Variants in ZHX2 observed in about 807,000 individuals in gnomAD.
ZHX2 encodes zinc fingers and homeoboxes 2.
A neutral mutation model predicts 21.9 loss-of-function variants in ZHX2; 6 were observed. The observed-to-expected ratio is 0.27, with a 90% CI of 0.15 to 0.54. ZHX2 has a LOEUF of 0.54. Among genes scored for constraint, ZHX2 ranks in the 20% least tolerant of loss-of-function variants. The probability of loss-of-function intolerance (pLI) is 0.95; values close to 1 mark genes in which losing one functional copy is unlikely to be tolerated. For synonymous variants in ZHX2, 434 were observed against 437.1 expected, an observed-to-expected ratio of 0.99 and a Z score of 0.09; for missense variants, 908 against 1,090.7, an observed-to-expected ratio of 0.83 and a Z score of 2.36.
Position 122,953,579 on chromosome 8 carries a change from G to A in ZHX2, c.2069G>A (p.Trp690Ter), listed in dbSNP as rs1219341645. 6.2e-7 allele frequency: 1 copy of A among 1,614,210 alleles called. No individual in the cohort carries two copies. The highest frequency in any genetic ancestry group is 1.7e-5 in the Admixed American group (1 of 60,018). The change falls in exon 3 of 4, where the codon TGG (tryptophan) becomes TAG (stop). Residue 690 changes from tryptophan to a stop codon, truncating the protein, a stop_gained. Transcript: ENST00000314393. LOFTEE classifies it low-confidence loss of function (END_TRUNC). This position sits in a 1 kb window ranked among gnomAD's most constrained non-coding sequence, Gnocchi z 4.6. ...RCLLKTGTVKWMEQYQHQPMA... is the reference protein window; with the variant it reads ...RCLLKTGTVK ...TTGCTGAAAACGGGAACCGTGAAGT[G>A]GATGGAGCAGTACCAGCACCAGCCC... is the stretch of plus-strand genomic sequence containing the variant.
intron 1 of ZHX2, among the ~76,000 whole-genome samples, chr8:122,820,614 G>A (rs1284016535): frequency 1.3e-5 from 2 of 152,174 alleles, no homozygotes; most frequent in Non-Finnish European, 2.9e-5. Flanking sequence ...GATTGATACG[G>A]AGAATAGTCA....
At chr8:122,901,461 T>A (rs1820228306) in intron 2 of ZHX2, among the ~76,000 whole-genome samples, 1 of 152,200 alleles carries the variant, frequency 6.6e-6, no homozygotes, top group Admixed American at 6.5e-5. Flanking sequence ...TCTAAGACCT[T>A]ACTTCTCAAA....
chr8:122,956,308 T>C (rs1188231079), intron 3 of ZHX2, among the ~76,000 whole-genome samples: 1 of 152,162 alleles, frequency 6.6e-6, no homozygotes, highest in African/African-American at 2.4e-5. Flanking sequence ...AACAGTGCCA[T>C]GAGAGAGACA....
At chr8:122,888,852 A>G (rs1049875540) in intron 2 of ZHX2, among the ~76,000 whole-genome samples, 5 of 152,166 alleles carry the variant, frequency 3.3e-5, no homozygotes, top group South Asian at 2.1e-4. Flanking sequence ...CCTCCTATCT[A>G]GCTATGATTT....
intron 2 of ZHX2, among the ~76,000 whole-genome samples, chr8:122,938,211 G>T (rs1026059471): frequency 4.6e-5 from 7 of 151,854 alleles, no homozygotes; most frequent in African/African-American, 1.5e-4. Flanking sequence ...GGGATTACAG[G>T]CATGAGCCAC....
chr8:122,805,582 A>G (rs541638074), intron 1 of ZHX2, among the ~76,000 whole-genome samples: 24 of 152,314 alleles, frequency 1.6e-4, no homozygotes, highest in African/African-American at 5.1e-4. Context: ...CGTCAGTCCC[A>G]CTTATGGAGC....
chr8:122,782,752 CG>C lies in ZHX2; in HGVS notation c.-283+809del, dbSNP rs1436560116. Among the ~76,000 whole-genome samples, 4 of 152,070 alleles carry C rather than the reference CG, an allele frequency of 2.6e-5. No individual in the cohort carries two copies. Among genetic ancestry groups the C allele is most frequent in the Non-Finnish European group, 5.9e-5 (4 of 67,988 alleles). On this transcript the variant is annotated intron_variant, in intron 1 of 3. Transcript: ENST00000314393. The surrounding 1 kb of genome is among the most constrained non-coding windows in gnomAD (Gnocchi z 5.3). ...CGGGGCGGGGGGCCGAGGGCGGCCG[CG>C]GGACCCCCGGCCCTGCTGTCCGCTG... is the stretch of plus-strand genomic sequence containing the variant.
Position 122,953,400 on chromosome 8 carries a change from G to A in ZHX2, c.1890G>A (p.Ser630=), listed in dbSNP as rs202138105. 1.8e-4 allele frequency: 283 copies of A among 1,614,126 alleles called. No individual in the cohort carries two copies. In the East Asian group the frequency reaches 3.7e-3, roughly 21 times the overall value. ...TAACAAGTTCTCTGCCCAGCCCTTC[G>A]CCAGCAATTGCAAAAAGTCAAGAAC... ...AQLTSSLPSP[S]PAIAKSQEQV... Residue 630 remains serine, a synonymous_variant, in exon 3 of 4, where the codon TCG becomes TCA. Coordinates refer to ENST00000314393, the MANE Select transcript of ZHX2 (RefSeq NM_014943.5). This position sits in a 1 kb window ranked among gnomAD's most constrained non-coding sequence, Gnocchi z 4.6.
At chr8:122,971,670 A>G (rs1218635644) in intron 3 of ZHX2, among the ~76,000 whole-genome samples, 1 of 150,532 alleles carries the variant, frequency 6.6e-6, no homozygotes, top group Non-Finnish European at 1.5e-5. Flanking sequence ...CAGCCTTACC[A>G]GGAGGGAGGC....
chr8:122,890,795 A>G (rs1281321023), intron 2 of ZHX2, among the ~76,000 whole-genome samples: 1 of 152,016 alleles, frequency 6.6e-6, no homozygotes, highest in Non-Finnish European at 1.5e-5. Flanking sequence ...TTTTTATTTT[A>G]TATGTTGATT....
At chr8:122,809,033 T>G (rs1817876296) in intron 1 of ZHX2, 1 of 152,212 alleles carries the variant, frequency 6.6e-6, no homozygotes, top group Non-Finnish European at 1.5e-5. Context: ...TGGTGATAAA[T>G]GCCATCAGTT....
At chr8:122,839,775 T>C (rs1280898295) in intron 1 of ZHX2, among the ~76,000 whole-genome samples, 3 of 152,222 alleles carry the variant, frequency 2.0e-5, no homozygotes, top group Non-Finnish European at 4.4e-5. Context: ...AATGGTTACC[T>C]CGTTTTGTTC....
At chr8:122,795,867 G>A (rs1327905293) in intron 1 of ZHX2, among the ~76,000 whole-genome samples, 4 of 152,126 alleles carry the variant, frequency 2.6e-5, no homozygotes, top group Non-Finnish European at 1.5e-5. Flanking sequence ...GTTATGTAAA[G>A]GACATAAAGA....
intron 2 of ZHX2, among the ~76,000 whole-genome samples, chr8:122,873,716 C>T (rs545541988): frequency 2.6e-5 from 4 of 152,226 alleles, no homozygotes; most frequent in Admixed American, 2.6e-4. Flanking sequence ...GGTCATAGTC[C>T]GAAATGGGTC....
chr8:122,940,861 C>A (rs757683009), intron 2 of ZHX2, among the ~76,000 whole-genome samples: 1 of 152,272 alleles, frequency 6.6e-6, no homozygotes, highest in Non-Finnish European at 1.5e-5. Flanking sequence ...AGCCATCGAA[C>A]CTCTCTGAGC....
At chr8:122,877,671 C>A (rs1819602597) in intron 2 of ZHX2, among the ~76,000 whole-genome samples, 1 of 152,154 alleles carries the variant, frequency 6.6e-6, no homozygotes, top group South Asian at 2.1e-4. Flanking sequence ...GGGAACCTCG[C>A]TGGGGAGGCC....
At chr8:122,917,087 C>T (rs1207693837) in intron 2 of ZHX2, among the ~76,000 whole-genome samples, 2 of 152,216 alleles carry the variant, frequency 1.3e-5, no homozygotes, top group African/African-American at 2.4e-5. Context: ...ATTCATCCCA[C>T]GCAGTGTTAT....
At chr8:122,869,970 T>G (rs1014340576) in intron 2 of ZHX2, among the ~76,000 whole-genome samples, 1 of 152,208 alleles carries the variant, frequency 6.6e-6, no homozygotes, top group African/African-American at 2.4e-5. Flanking sequence ...CAGAAGTCAG[T>G]ATGTCATTGA....
intron 1 of ZHX2, among the ~76,000 whole-genome samples, chr8:122,783,045 G>GGGAGGCGGAGGAGGAGGT (rs1255952818): frequency 6.6e-6 from 1 of 152,200 alleles, no homozygotes. Context: ...TGCTGAGCCT[G>GGGAGGCGGAGGAGGAGGT]GGAGGCGGAG....
Sources: allele counts gnomAD v4.1 joint callset (sites outside exome capture counted in the v4.1 genomes callset), GRCh38; gene constraint gnomAD v4.1.1; non-coding constraint Gnocchi (gnomAD v3.1); transcripts MANE v1.5; gene names NCBI Gene and HGNC (gene_info 2026-07-23, HGNC 2026-07-21).